Variants in NECTIN3 observed in about 807,000 individuals in gnomAD.
NECTIN3 encodes the protein nectin-3.
In NECTIN3, 8 loss-of-function variants were observed where a neutral mutation model predicts 49.4. The observed-to-expected ratio is 0.16, with a 90% CI of 0.10 to 0.29. NECTIN3 has a LOEUF of 0.29. Ranked by LOEUF, NECTIN3 falls within the 10% of genes least tolerant of loss-of-function variation. The pLI, the probability that NECTIN3 is intolerant of heterozygous loss-of-function variation, is 1.00. For missense variants in NECTIN3, 581 were observed against 654.6 expected (o/e 0.89, Z 1.23); for synonymous variants, 277 against 241.1 (o/e 1.15, Z -1.38).
intron 1 of NECTIN3, among the ~76,000 whole-genome samples, chr3:111,088,087 G>A (rs1298990464): frequency 1.2e-4 from 18 of 152,122 alleles, no homozygotes; most frequent in Admixed American, 1.2e-3. Flanking sequence ...CTCAGGGTTG[G>A]AGGTGGGGTC....
At chr3:111,123,814 A>G (rs1440679593) in intron 4 of NECTIN3, among the ~76,000 whole-genome samples, 1 of 152,132 alleles carries the variant, frequency 6.6e-6, no homozygotes, top group Non-Finnish European at 1.5e-5. Flanking sequence ...CACTATTGAT[A>G]TTTTAGGCCG....
chr3:111,089,175 C>A (rs912847529), intron 1 of NECTIN3, among the ~76,000 whole-genome samples: 1 of 151,814 alleles, frequency 6.6e-6, no homozygotes, highest in Non-Finnish European at 1.5e-5. Context: ...GTATTTTGTG[C>A]CTTTTCTCAT....
chr3:111,091,556 T>C (rs1219736348), intron 1 of NECTIN3, among the ~76,000 whole-genome samples: 5 of 152,166 alleles, frequency 3.3e-5, no homozygotes, highest in Admixed American at 3.3e-4. Context: ...ACCCGGCCAA[T>C]GTGTAGTCTT....
chr3:111,125,635 T>G (rs1287653177), intron 4 of NECTIN3, among the ~76,000 whole-genome samples: 1 of 152,206 alleles, frequency 6.6e-6, no homozygotes, highest in African/African-American at 2.4e-5. Context: ...GTGAAATTAT[T>G]TTATAGGAAG....
rs576787040 is a variant in NECTIN3 at position 111,146,565 on chromosome 3, T to G, written c.1140-838T>G. ...TAATGTAACCATTTTATTTATCACT[T>G]AAGTTTTAATCATTTAAAATACTAG... On this transcript the variant is annotated intron_variant, in intron 6 of 8. Transcript: ENST00000493615. 3.1e-3 allele frequency among the ~76,000 whole-genome samples: 472 copies of G among 152,306 alleles called. 2 individuals carry two copies. The highest frequency in any genetic ancestry group is 0.011 in the African/African-American group (446 of 41,574).
rs2034586077 is a variant in NECTIN3, at chr3:111,136,669, T to C, written c.*2454T>C. On this transcript the variant is annotated 3_prime_UTR_variant, in exon 6 of 6. Coordinates refer to ENST00000485303, the MANE Select transcript of NECTIN3 (RefSeq NM_015480.3). ...TGACAGGTATATATGAAAATTCTAC[T>C]ATCGTGAAAAAAAATGAATATTTGT... is the stretch of plus-strand genomic sequence containing the variant. 1 of 909,952 alleles carries C rather than the reference T, an allele frequency of 1.1e-6. No homozygotes were observed. The allele number at this position is 909,952 out of a possible 1,614,324, so 56.4% of individuals were successfully genotyped here.
intron 1 of NECTIN3, among the ~76,000 whole-genome samples, chr3:111,096,851 A>G (rs1314928134): frequency 6.6e-6 from 1 of 152,158 alleles, no homozygotes; most frequent in Non-Finnish European, 1.5e-5. Flanking sequence ...TGCCCAGGCA[A>G]ATGTTTGTTG....
Position 111,134,238 on chromosome 3 carries a change from T to A in NECTIN3, c.*23T>A. 1 of 1,556,114 alleles carries A rather than the reference T, an allele frequency of 6.4e-7. No individual in the cohort carries two copies. The highest frequency in any genetic ancestry group is 8.6e-7 in the Non-Finnish European group (1 of 1,156,268). ...TAGCAACCACTGAATGTGACTTAAC[T>A]ATGTACAATGTTCATTCACACTAGT... On this transcript the variant is annotated 3_prime_UTR_variant, in exon 6 of 6. Transcript: ENST00000485303.
rs2034474741 is a variant in NECTIN3, at chr3:111,133,739, T to C, written c.1174T>C (p.Ser392Pro). ...ACCTAAAAAATTGCCCTTCCCATTG[T>C]CAACTTTGGCAACAATTAAGGATGA... ...TEPKKLPFPLSTLATIKDDTI... is the reference protein window; with the variant it reads ...TEPKKLPFPLPTLATIKDDTI... The change falls in exon 6 of 6, where the codon TCA becomes CCA. Residue 392 changes from serine to proline, a missense_variant. Physicochemically the swap from Ser to Pro is moderately conservative, Grantham distance 74. Transcript: ENST00000485303. 1.2e-6 allele frequency: 2 copies of C among 1,613,864 alleles called. No homozygotes were observed. Among genetic ancestry groups the C allele is most frequent in the Non-Finnish European group, 1.7e-6 (2 of 1,179,888 alleles).
chr3:111,074,313 A>G (rs1340728539), intron 1 of NECTIN3: 5 of 454,650 alleles, frequency 1.1e-5, no homozygotes, highest in Non-Finnish European at 1.8e-5. Flanking sequence ...AGTTATAATG[A>G]TGTTCATAGT....
rs147291162 is a variant in NECTIN3 at position 111,107,467 on chromosome 3, G to A, written c.161-4563G>A. ...TCCTGTTTTATTATGGTTTTCCTACGTGTCTAGAGTGTGCAGTAGCCAGGA... is the reference window on the plus strand; with the variant it reads ...TCCTGTTTTATTATGGTTTTCCTACATGTCTAGAGTGTGCAGTAGCCAGGA... On this transcript the variant is annotated intron_variant, in intron 1 of 5. Coordinates refer to ENST00000485303, the MANE Select transcript of NECTIN3 (RefSeq NM_015480.3). 7.7e-3 allele frequency among the ~76,000 whole-genome samples: 1,171 copies of A among 152,222 alleles called. 15 individuals carry two copies. The highest frequency in any genetic ancestry group is 0.013 in the Non-Finnish European group (866 of 67,974).
chr3:111,179,332 C>A (rs890163206), intron 7 of NECTIN3, among the ~76,000 whole-genome samples: 1 of 152,118 alleles, frequency 6.6e-6, no homozygotes, highest in Non-Finnish European at 1.5e-5. Flanking sequence ...ATTTCCAGTC[C>A]AGCTGGCACA....
chr3:111,193,270 T>C, intron 1 of NECTIN3: 2 of 1,535,850 alleles, frequency 1.3e-6, no homozygotes, highest in African/African-American at 2.7e-5. Flanking sequence ...ATTCAGCAGA[T>C]GTACCCCCTT....
At chr3:111,077,420 T>G (rs2031293912) in intron 1 of NECTIN3, 1 of 217,176 alleles carries the variant, frequency 4.6e-6, no homozygotes, top group Admixed American at 5.1e-5. Flanking sequence ...CCCTTTAGGC[T>G]TTCAGCCTAG....
In NECTIN3 at chr3:111,089,425, G is replaced by GTA. The variant is rs1352332576; in HGVS notation, c.160+17249_160+17250insAT. Among the ~76,000 whole-genome samples the GTA allele has an allele frequency of 9.2e-5, 13 of 141,062 alleles. No individual in the cohort carries two copies. The East Asian group carries it at 4.2e-3, about 45-fold the overall frequency. 92.5% of individuals were successfully genotyped at this position (141,062 alleles called of 152,430 possible). A position where few individuals can be genotyped will look rare whatever the true frequency, so the allele number is the denominator to read the frequency against. On this transcript the variant is annotated intron_variant, in intron 1 of 5. Transcript: ENST00000485303. ...CTTTCTCGTGTGTGTGTGTGTGTGT[G>GTA]TGTGTATGTATATAAACATATACAT...
chr3:111,124,694 C>T (rs976087412), intron 4 of NECTIN3, among the ~76,000 whole-genome samples: 5 of 152,276 alleles, frequency 3.3e-5, no homozygotes, highest in East Asian at 1.9e-4. Flanking sequence ...GATTATTTTA[C>T]CACTCACTAC....
chr3:111,153,699 C>T (rs73854916), intron 7 of NECTIN3, among the ~76,000 whole-genome samples: 5,856 of 152,086 alleles, frequency 0.039, 147 homozygotes, highest in African/African-American at 0.062. Context: ...TTTATTTAAA[C>T]TTAGCATATA....
At chr3:111,184,121 A>G (rs1207358947) in intron 7 of NECTIN3, among the ~76,000 whole-genome samples, 1 of 152,066 alleles carries the variant, frequency 6.6e-6, no homozygotes, top group South Asian at 2.1e-4. Flanking sequence ...CTACTCTGCT[A>G]CTAAGGCCAT....
chr3:111,187,553 G>A (rs572964333), upstream of NECTIN3, among the ~76,000 whole-genome samples: 1 of 152,122 alleles, frequency 6.6e-6, no homozygotes, highest in South Asian at 2.1e-4. Context: ...CCAAAACTTG[G>A]AAGTAACCAA....
Sources: allele counts gnomAD v4.1 joint callset (sites outside exome capture counted in the v4.1 genomes callset), GRCh38; gene constraint gnomAD v4.1.1; transcripts MANE v1.5; gene names NCBI Gene and HGNC (gene_info 2026-07-23, HGNC 2026-07-21).